The following CSMD1 variants were observed in gnomAD, a reference collection of about 807,000 sequenced individuals.
The protein encoded by CSMD1 is CUB and Sushi multiple domains 1.
In CSMD1, 213 loss-of-function variants were observed where a neutral mutation model predicts 417.5. The observed-to-expected ratio is 0.51, with a 90% CI of 0.46 to 0.57. The LOEUF (loss-of-function observed/expected upper bound fraction) is 0.57. CSMD1 is among the 20% of genes least tolerant of loss of function. The probability of loss-of-function intolerance (pLI) is 0.00; values close to 1 mark genes in which losing one functional copy is unlikely to be tolerated. For missense variants in CSMD1, 6,923 were observed against 4,529.7 expected, an observed-to-expected ratio of 1.53 and a Z score of -15.17; for synonymous variants, 2,862 against 1,736.8, an observed-to-expected ratio of 1.65 and a Z score of -16.11.
intron 57 of CSMD1, among the ~76,000 whole-genome samples, chr8:2,970,589 A>C (rs746290075): frequency 2.0e-5 from 3 of 152,208 alleles, no homozygotes; most frequent in Non-Finnish European, 2.9e-5. Context: ...TATTGAGGAA[A>C]TATTTTAAAT....
chr8:3,139,242 G>T (rs1383396682), intron 41 of CSMD1, among the ~76,000 whole-genome samples: 2 of 152,272 alleles, frequency 1.3e-5, no homozygotes, highest in Middle Eastern at 3.4e-3. Flanking sequence ...GGCCATCATG[G>T]GCTTTGAATC....
chr8:3,052,767 A>G (rs7004774), intron 49 of CSMD1, 120 bp from the exon 50 acceptor site: 544,722 of 720,508 alleles, frequency 0.76, 208,830 homozygotes, highest in East Asian at 0.82. Context: ...TGTGAATTAT[A>G]TTTCTTTTTT....
At chr8:4,905,719 C>T (rs997859706) in intron 1 of CSMD1, among the ~76,000 whole-genome samples, 11 of 148,764 alleles carry the variant, frequency 7.4e-5, no homozygotes, top group Non-Finnish European at 1.6e-4. Flanking sequence ...CCTCGGGAGG[C>T]TGAGGCAGGA....
At chr8:3,803,027 A>C (rs1438698367) in intron 5 of CSMD1, among the ~76,000 whole-genome samples, 1 of 152,176 alleles carries the variant, frequency 6.6e-6, no homozygotes, top group Non-Finnish European at 1.5e-5. Flanking sequence ...AGAACAATGA[A>C]ATCCAGAAAA....
intron 23 of CSMD1, among the ~76,000 whole-genome samples, chr8:3,329,673 C>G (rs983963601): frequency 5.9e-5 from 9 of 152,130 alleles, no homozygotes; most frequent in Non-Finnish European, 8.8e-5. Flanking sequence ...AGCCCCATTA[C>G]CAGAAAGAGT....
At chr8:4,021,763 T>G (rs576422138) in intron 4 of CSMD1, among the ~76,000 whole-genome samples, 1 of 152,278 alleles carries the variant, frequency 6.6e-6, no homozygotes, top group South Asian at 2.1e-4. Context: ...CAATAATCTT[T>G]ATCTTGAGTG....
At position 4,239,486 on chromosome 8, in the gene CSMD1, C is replaced by T. The variant is rs540417974; in HGVS notation, c.415+180467G>A. On this transcript the variant is annotated intron_variant, in intron 3 of 69. Coordinates refer to ENST00000635120, the MANE Select transcript of CSMD1 (RefSeq NM_033225.6). ...AAGGAGAGATGTAGCACCCTCAGATCAGCTGCCCCACCCCAGTCTGGTCCT... is the reference window on the plus strand; with the variant it reads ...AAGGAGAGATGTAGCACCCTCAGATTAGCTGCCCCACCCCAGTCTGGTCCT... Among the ~76,000 whole-genome samples the T allele has an allele frequency of 2.6e-5, 4 of 152,296 alleles. No homozygotes were observed. The South Asian group carries it at 8.3e-4, about 32-fold the overall frequency.
chr8:4,253,737 G>A (rs879256407), intron 3 of CSMD1, among the ~76,000 whole-genome samples: 3 of 150,676 alleles, frequency 2.0e-5, no homozygotes, highest in Non-Finnish European at 4.4e-5. Flanking sequence ...TCAATTTTCT[G>A]GTTGTTCAAT....
intron 30 of CSMD1, among the ~76,000 whole-genome samples, chr8:3,205,910 T>A (rs540085999): frequency 1.4e-4 from 21 of 152,278 alleles, no homozygotes; most frequent in African/African-American, 4.8e-4. Flanking sequence ...ATAGGTTCTA[T>A]AAAGACAAAT....
chr8:4,356,562 A>G (rs1190911410), intron 3 of CSMD1, among the ~76,000 whole-genome samples: 1 of 152,152 alleles, frequency 6.6e-6, no homozygotes, highest in Non-Finnish European at 1.5e-5. Context: ...TTTCATTTTA[A>G]ATGTCTGTTT....
At chr8:4,139,039 C>A (rs73176389) in intron 3 of CSMD1, among the ~76,000 whole-genome samples, 4 of 151,896 alleles carry the variant, frequency 2.6e-5, no homozygotes, top group East Asian at 1.9e-4. Flanking sequence ...GTTTCAGCAC[C>A]TGAGACAGAC....
chr8:3,708,700 C>T (rs967615349), intron 6 of CSMD1, among the ~76,000 whole-genome samples: 10 of 152,184 alleles, frequency 6.6e-5, no homozygotes, highest in African/African-American at 2.4e-4. Context: ...TCACATCTTA[C>T]AGCATCAGTG....
chr8:3,858,729 A>G (rs1441614167), intron 5 of CSMD1, among the ~76,000 whole-genome samples: 2 of 151,980 alleles, frequency 1.3e-5, no homozygotes, highest in African/African-American at 2.4e-5. Context: ...ATCAGATTAC[A>G]TTTTCAAAAT....
At chr8:3,726,160 G>T (rs1802483238) in intron 6 of CSMD1, among the ~76,000 whole-genome samples, 1 of 151,952 alleles carries the variant, frequency 6.6e-6, no homozygotes, top group Non-Finnish European at 1.5e-5. Flanking sequence ...GAGGCGTCCT[G>T]CCAATCTCCA....
chr8:4,066,664 C>A (rs1282491258), intron 3 of CSMD1, among the ~76,000 whole-genome samples: 1 of 152,132 alleles, frequency 6.6e-6, no homozygotes, highest in East Asian at 1.9e-4. Context: ...GCTCATCAAA[C>A]CAAGAACATT....
chr8:4,460,444 A>T (rs1032843086), intron 2 of CSMD1, among the ~76,000 whole-genome samples: 41 of 152,268 alleles, frequency 2.7e-4, no homozygotes, highest in Non-Finnish European at 4.7e-4. Context: ...TACAAGCTAA[A>T]CTTACGGTAA....
chr8:4,959,276 A>T (rs1809322902), intron 1 of CSMD1, among the ~76,000 whole-genome samples: 1 of 152,174 alleles, frequency 6.6e-6, no homozygotes, highest in East Asian at 1.9e-4. Flanking sequence ...GGAAAAGCTA[A>T]GTAGATATGT....
chr8:4,090,515 C>G (rs1300827791), intron 3 of CSMD1, among the ~76,000 whole-genome samples: 3 of 152,106 alleles, frequency 2.0e-5, no homozygotes, highest in East Asian at 1.9e-4. Flanking sequence ...TCATGGAAAG[C>G]TTTGTACACC....
intron 5 of CSMD1, among the ~76,000 whole-genome samples, chr8:3,815,479 A>G (rs1217414356): frequency 2.0e-5 from 3 of 152,196 alleles, no homozygotes; most frequent in Non-Finnish European, 4.4e-5. Context: ...TGTAAATATA[A>G]AAGTTAAACT....
Sources: allele counts gnomAD v4.1 joint callset (sites outside exome capture counted in the v4.1 genomes callset), GRCh38; gene constraint gnomAD v4.1.1; transcripts MANE v1.5; gene names NCBI Gene and HGNC (gene_info 2026-07-23, HGNC 2026-07-21).